WLS: variants seen among roughly 807,000 people sequenced by gnomAD.
WLS encodes the protein Wnt ligand secretion mediator, also known as protein wntless homolog.
A neutral mutation model predicts 62.8 loss-of-function variants in WLS; 23 were observed. The observed-to-expected ratio is 0.37, with a 90% CI of 0.26 to 0.52. WLS has a LOEUF of 0.52. WLS is among the 20% of genes least tolerant of loss of function. The probability of loss-of-function intolerance (pLI) is 0.92; values close to 1 mark genes in which losing one functional copy is unlikely to be tolerated. For synonymous variants in WLS, 246 were observed against 244.1 expected (o/e 1.01, Z -0.07); for missense variants, 615 against 697.3 (o/e 0.88, Z 1.33).
intron 2 of WLS, among the ~76,000 whole-genome samples, chr1:68,193,444 G>GAA (rs111934768): frequency 6.7e-4 from 24 of 35,642 alleles, no homozygotes; most frequent in African/African-American, 1.8e-3. Context: ...AAAAAAAAAC[G>GAA]AAAAAAAAAC....
At chr1:68,168,256 G>A (rs1408959050) in intron 2 of WLS, among the ~76,000 whole-genome samples, 1 of 142,090 alleles carries the variant, frequency 7.0e-6, no homozygotes, top group Non-Finnish European at 1.6e-5. Flanking sequence ...AATTGAGGAA[G>A]ACATCAGAAT....
At chr1:68,199,406 C>T (rs1041958322) in intron 1 of WLS, among the ~76,000 whole-genome samples, 14 of 152,078 alleles carry the variant, frequency 9.2e-5, no homozygotes, top group Non-Finnish European at 1.3e-4. Context: ...GGGTAGCTTT[C>T]GGCAGGGCTT....
At chr1:68,199,378 A>C (rs957056975) in intron 1 of WLS, among the ~76,000 whole-genome samples, 1 of 152,156 alleles carries the variant, frequency 6.6e-6, no homozygotes, top group Admixed American at 6.5e-5. Context: ...AGGATGCTCC[A>C]GTTGTAAAAA....
At chr1:68,106,018 G>A (rs1224545114) in intron 11 of WLS, among the ~76,000 whole-genome samples, 33 of 151,912 alleles carry the variant, frequency 2.2e-4, no homozygotes, top group Admixed American at 2.0e-3. Context: ...ACTAAACATT[G>A]GTCACTGCAA....
rs899145602 is a variant in WLS at position 68,153,610 on chromosome 1, A to T, written c.710T>A (p.Met237Lys). 12 of 1,614,142 alleles carry T rather than the reference A, an allele frequency of 7.4e-6. No individual in the cohort carries two copies. Among genetic ancestry groups the T allele is most frequent in the Non-Finnish European group, 1.0e-5 (12 of 1,180,054 alleles). ...NGGFTKVWFAMKTFLTPSIFI... is the reference protein window; with the variant it reads ...NGGFTKVWFAKKTFLTPSIFI... Reference sequence around the variant, plus strand: ...GATGCTGGGCGTAAGGAAGGTCTTCATGGCAAACCACACCTTGGTGAAGCC... The same window carrying T: ...GATGCTGGGCGTAAGGAAGGTCTTCTTGGCAAACCACACCTTGGTGAAGCC... Residue 237 changes from methionine to lysine, a missense_variant, in exon 5 of 12, where the codon ATG becomes AAG. Met to Lys is a moderately conservative substitution (Grantham distance 95). Transcript: ENST00000262348.
Position 68,148,540 on chromosome 1 carries a change from G to A in WLS, c.1070+23C>T, listed in dbSNP as rs899847579. On this transcript the variant is annotated intron_variant, in intron 7 of 11. Transcript: ENST00000262348. ...GCGTGGTGATGCACAGTTTGGCTCA[G>A]TGTCCCACAAACACTTGCTCACCTC... The A allele has an allele frequency of 2.5e-6, 4 of 1,611,338 alleles. No homozygotes were observed. The African/African-American group carries it at 5.3e-5, about 22-fold the overall frequency.
chr1:68,199,232 T>C (rs904931481), intron 1 of WLS, among the ~76,000 whole-genome samples: 1 of 152,208 alleles, frequency 6.6e-6, no homozygotes, highest in African/African-American at 2.4e-5. Context: ...ATTACTATTA[T>C]GCAGGTACCG....
rs1650472739 is a variant in WLS at position 68,232,429 on chromosome 1, A to G, written c.-130T>C. The G allele has an allele frequency of 7.0e-7, 1 of 1,436,542 alleles. No individual in the cohort carries two copies. Among genetic ancestry groups the G allele is most frequent in the Non-Finnish European group, 9.1e-7 (1 of 1,094,396 alleles). 89.0% of individuals were successfully genotyped at this position (1,436,542 alleles called of 1,614,324 possible). On this transcript the variant is annotated 5_prime_UTR_variant, in exon 1 of 12. Transcript: ENST00000262348. ...CGCTGCAAAACTTCAGAGGTGCTGG[A>G]GCGCGGCGAGGATGGGACCGGGACG...
At chr1:68,113,026 C>T (rs1271195442) in intron 11 of WLS, among the ~76,000 whole-genome samples, 1 of 152,160 alleles carries the variant, frequency 6.6e-6, no homozygotes, top group Non-Finnish European at 1.5e-5. Flanking sequence ...CGCCTTGGCC[C>T]CATCTTAAAG....
intron 11 of WLS, among the ~76,000 whole-genome samples, chr1:68,116,886 G>A (rs565047959): frequency 6.6e-6 from 1 of 152,184 alleles, no homozygotes; most frequent in African/African-American, 2.4e-5. Context: ...GACAAGGGTG[G>A]TTTTAATTTT....
At chr1:68,177,313 G>A (rs1419807770) in intron 2 of WLS, among the ~76,000 whole-genome samples, 2 of 152,216 alleles carry the variant, frequency 1.3e-5, no homozygotes, top group Non-Finnish European at 2.9e-5. Context: ...TGTGCAAATG[G>A]GGTCTATGCA....
chr1:68,102,186 T>C (rs1229823123), intron 11 of WLS, among the ~76,000 whole-genome samples: 2 of 152,214 alleles, frequency 1.3e-5, no homozygotes, highest in Non-Finnish European at 2.9e-5. Context: ...CCTCCTGCAT[T>C]CTTCCCAGCC....
At chr1:68,124,074 G>A (rs903720459), downstream of WLS, among the ~76,000 whole-genome samples, 1 of 152,154 alleles carries the variant, frequency 6.6e-6, no homozygotes, top group Non-Finnish European at 1.5e-5. Context: ...CCCAGCGAGG[G>A]CTTGAAATTT....
intron 4 of WLS, among the ~76,000 whole-genome samples, chr1:68,154,437 T>A (rs1190915348): frequency 7.2e-5 from 11 of 152,210 alleles, no homozygotes; most frequent in Admixed American, 2.0e-4. Flanking sequence ...GGAAAGTATA[T>A]TTATATTACA....
At chr1:68,111,948 C>T (rs1646233827) in intron 11 of WLS, among the ~76,000 whole-genome samples, 1 of 152,240 alleles carries the variant, frequency 6.6e-6, no homozygotes, top group Non-Finnish European at 1.5e-5. Flanking sequence ...CTGGTACTAA[C>T]TGCATTCTCA....
At position 68,185,993 on chromosome 1, in the gene WLS, C is replaced by G. The variant is rs144709968; in HGVS notation, c.379+7962G>C. ...ATCATGCCTTGGTCTTTCAGGTGACCATTCTGAAGCTATCTGGGAGTCCCC... is the reference window on the plus strand; with the variant it reads ...ATCATGCCTTGGTCTTTCAGGTGACGATTCTGAAGCTATCTGGGAGTCCCC... On this transcript the variant is annotated intron_variant, in intron 2 of 11. Coordinates refer to ENST00000262348, the MANE Select transcript of WLS (RefSeq NM_024911.7). 6.1e-3 allele frequency among the ~76,000 whole-genome samples: 927 copies of G among 152,248 alleles called. 12 individuals carry two copies. The highest frequency in any genetic ancestry group is 0.021 in the African/African-American group (882 of 41,522).
At chr1:68,167,975 T>C (rs1294512584) in intron 2 of WLS, among the ~76,000 whole-genome samples, 2 of 152,142 alleles carry the variant, frequency 1.3e-5, no homozygotes, top group Non-Finnish European at 2.9e-5. Flanking sequence ...ACTAATTGTA[T>C]CCTTAGGAAG....
At chr1:68,208,231 A>T (rs535624155) in intron 1 of WLS, among the ~76,000 whole-genome samples, 3 of 152,220 alleles carry the variant, frequency 2.0e-5, no homozygotes, top group Non-Finnish European at 4.4e-5. Flanking sequence ...ATCTTCACAA[A>T]TTATTATAAA....
intron 2 of WLS, among the ~76,000 whole-genome samples, chr1:68,166,379 CCTT>C (rs1283809789): frequency 6.6e-5 from 10 of 152,222 alleles, no homozygotes; most frequent in Non-Finnish European, 1.3e-4. Context: ...CAACAGCTCT[CCTT>C]CATCAGAGGC....
Sources: allele counts gnomAD v4.1 joint callset (sites outside exome capture counted in the v4.1 genomes callset), GRCh38; gene constraint gnomAD v4.1.1; transcripts MANE v1.5; gene names NCBI Gene and HGNC (gene_info 2026-07-23, HGNC 2026-07-21).